Variants in FER observed in about 807,000 individuals in gnomAD.
FER encodes the protein FER tyrosine kinase.
FER carries 63 observed loss-of-function variants against 111.0 expected under a neutral mutation model. That is an observed-to-expected ratio of 0.57 (90% CI 0.46 to 0.70). The LOEUF (loss-of-function observed/expected upper bound fraction) is 0.70, where lower values mean the gene tolerates loss of function less well. Among genes scored for constraint, FER ranks in the 30% least tolerant of loss-of-function variants. The pLI is 0.00. For missense variants in FER, 914 were observed against 954.0 expected, an observed-to-expected ratio of 0.96 and a Z score of 0.55; for synonymous variants, 327 against 313.9, an observed-to-expected ratio of 1.04 and a Z score of -0.44.
chr5:109,031,617 T>G (rs938515128), intron 13 of FER, among the ~76,000 whole-genome samples: 1 of 152,194 alleles, frequency 6.6e-6, no homozygotes, highest in African/African-American at 2.4e-5. Context: ...TTCTAGTTTT[T>G]CACTGAACAT....
chr5:108,819,853 A>G (rs1758660987), intron 3 of FER: 2 of 985,390 alleles, frequency 2.0e-6, no homozygotes, highest in South Asian at 9.4e-5. Context: ...TTTTTCCCCC[A>G]GAAGTCTATT....
At chr5:109,087,229 T>C (rs1450839162) in intron 16 of FER, among the ~76,000 whole-genome samples, 1 of 151,780 alleles carries the variant, frequency 6.6e-6, no homozygotes, top group Non-Finnish European at 1.5e-5. Flanking sequence ...TGAATTAATT[T>C]GAGGTCATAT....
chr5:109,139,630 T>C (rs758449118), intron 17 of FER, among the ~76,000 whole-genome samples: 21 of 151,820 alleles, frequency 1.4e-4, no homozygotes, highest in Non-Finnish European at 2.7e-4. Context: ...GATTTAGAGG[T>C]TTTCTGCAAG....
chr5:109,116,040 G>T (rs1159311732), intron 17 of FER, among the ~76,000 whole-genome samples: 2 of 152,006 alleles, frequency 1.3e-5, no homozygotes, highest in African/African-American at 4.8e-5. Context: ...AGATACCAAA[G>T]AAATTAAAGT....
At chr5:109,186,702 G>A (rs1758911963) in intron 19 of FER, among the ~76,000 whole-genome samples, 1 of 152,184 alleles carries the variant, frequency 6.6e-6, no homozygotes, top group South Asian at 2.1e-4. Context: ...AAGTCTTTGA[G>A]AATATGACAA....
chr5:108,981,840 A>G (rs1762042593), intron 13 of FER, among the ~76,000 whole-genome samples: 1 of 152,134 alleles, frequency 6.6e-6, no homozygotes, highest in South Asian at 2.1e-4. Flanking sequence ...TTTGTCTTCA[A>G]CATTATGCCA....
chr5:109,097,326 C>G (rs1017336106), intron 16 of FER, among the ~76,000 whole-genome samples: 3 of 151,742 alleles, frequency 2.0e-5, no homozygotes, highest in Admixed American at 6.6e-5. Context: ...TAGGAAATAA[C>G]CTATCCCATT....
intron 2 of FER, among the ~76,000 whole-genome samples, chr5:108,794,508 T>C (rs937696693): frequency 3.4e-5 from 5 of 145,082 alleles, no homozygotes; most frequent in Admixed American, 1.4e-4. Context: ...TGTGAGTCAC[T>C]GTGCTTGCCC....
At chr5:109,166,340 A>G (rs1455782547) in intron 17 of FER, among the ~76,000 whole-genome samples, 1 of 152,106 alleles carries the variant, frequency 6.6e-6, no homozygotes, top group African/African-American at 2.4e-5. Context: ...AAGCCAAGAC[A>G]GAAGACATTA....
intron 9 of FER, among the ~76,000 whole-genome samples, chr5:108,887,770 A>G (rs901978459): frequency 1.3e-5 from 2 of 151,812 alleles, no homozygotes; most frequent in Non-Finnish European, 2.9e-5. Context: ...TCAAATGGAA[A>G]TAATACCAAT....
chr5:108,846,283 G>C (rs890580082), intron 5 of FER, among the ~76,000 whole-genome samples: 1 of 151,778 alleles, frequency 6.6e-6, no homozygotes, highest in African/African-American at 2.4e-5. Context: ...ATCAATATAG[G>C]CTATTTTAGC....
intron 1 of FER, among the ~76,000 whole-genome samples, chr5:108,756,124 A>C (rs1751073399): frequency 6.7e-6 from 1 of 149,724 alleles, no homozygotes; most frequent in Non-Finnish European, 1.5e-5. Flanking sequence ...ATTGCACTCC[A>C]GCCTGGGTGA....
intron 16 of FER, among the ~76,000 whole-genome samples, chr5:109,082,206 C>G (rs144641140): frequency 3.0e-4 from 45 of 152,136 alleles, no homozygotes; most frequent in Non-Finnish European, 3.1e-4. Flanking sequence ...GGACTCCCTA[C>G]TCTTGCCCAA....
At chr5:109,086,065 A>G (rs190063975) in intron 16 of FER, among the ~76,000 whole-genome samples, 252 of 151,818 alleles carry the variant, frequency 1.7e-3, no homozygotes, top group African/African-American at 5.6e-3. Flanking sequence ...ACAGTTAGAA[A>G]TATTTTCTTC....
At chr5:108,757,802 A>G (rs548996681) in intron 1 of FER, among the ~76,000 whole-genome samples, 2 of 152,184 alleles carry the variant, frequency 1.3e-5, no homozygotes, top group Non-Finnish European at 2.9e-5. Context: ...ACAGTGTCCT[A>G]ACTTCTGGGA....
chr5:108,990,006 G>A (rs750626113), intron 13 of FER, among the ~76,000 whole-genome samples: 1 of 151,762 alleles, frequency 6.6e-6, no homozygotes, highest in Non-Finnish European at 1.5e-5. Flanking sequence ...CTAGTGCCTT[G>A]TACTTACTAG....
intron 2 of FER, among the ~76,000 whole-genome samples, chr5:108,781,749 T>C (rs1001011277): frequency 4.6e-5 from 7 of 152,192 alleles, no homozygotes; most frequent in Non-Finnish European, 1.0e-4. Flanking sequence ...TAGTATGGGC[T>C]GCAATTGGTA....
At chr5:109,058,706 CTT>C (rs1474958691) in intron 16 of FER, among the ~76,000 whole-genome samples, 3 of 85,632 alleles carry the variant, frequency 3.5e-5, no homozygotes, top group Admixed American at 1.1e-4. Flanking sequence ...TCTTCTTTTT[CTT>C]TTTCTTTCTT....
chr5:109,143,160 AT>A (rs575498303), intron 17 of FER, among the ~76,000 whole-genome samples: 54 of 152,270 alleles, frequency 3.5e-4, no homozygotes, highest in African/African-American at 1.3e-3. Flanking sequence ...TTTAAGTAAC[AT>A]GGACAGTCAG....
Sources: allele counts gnomAD v4.1 joint callset (sites outside exome capture counted in the v4.1 genomes callset), GRCh38; gene constraint gnomAD v4.1.1; transcripts MANE v1.5; gene names NCBI Gene and HGNC (gene_info 2026-07-23, HGNC 2026-07-21).